ZFP28: variants seen among roughly 807,000 people sequenced by gnomAD.
ZFP28 encodes zinc finger protein 28 homolog.
In ZFP28, 31 loss-of-function variants were observed where a neutral mutation model predicts 39.5. That is an observed-to-expected ratio of 0.79 (90% CI 0.59 to 1.06). The LOEUF (loss-of-function observed/expected upper bound fraction) is 1.06, where lower values mean the gene tolerates loss of function less well. ZFP28 is among the 50% of genes least tolerant of loss of function. The pLI, the probability that ZFP28 is intolerant of heterozygous loss-of-function variation, is 0.00. For missense variants in ZFP28, 925 were observed against 1,048.4 expected (o/e 0.88, Z 1.63); for synonymous variants, 400 against 378.6 (o/e 1.06, Z -0.66).
chr19:56,554,970 T>C lies in ZFP28; in HGVS notation c.2185T>C (p.Tyr729His), dbSNP rs1325969165. ...AAGACTGCACACTGGCCAAAGACCT[T>C]ATGAATGTATTGAGTGTGGAAAGGC... ...HQRLHTGQRP[Y>H]ECIECGKAFK... Residue 729 changes from tyrosine (Y) to histidine (H), a missense_variant, in exon 8 of 8, where the codon TAT becomes CAT. Coordinates refer to ENST00000301318, the MANE Select transcript of ZFP28 (RefSeq NM_020828.2). This position sits in a 1 kb window ranked among gnomAD's most constrained non-coding sequence, Gnocchi z 6.7. 8.7e-6 allele frequency: 14 copies of C among 1,614,034 alleles called. No individual in the cohort carries two copies. The highest frequency in any genetic ancestry group is 1.0e-5 in the Non-Finnish European group (12 of 1,180,046).
chr19:56,537,152 G>A (rs1295751855), upstream of ZFP28, among the ~76,000 whole-genome samples: 1 of 152,270 alleles, frequency 6.6e-6, no homozygotes, highest in Non-Finnish European at 1.5e-5. Context: ...ATTGCCTTCA[G>A]CAAACCTTCT....
chr19:56,551,986 T>C, intron 7 of ZFP28: 1 of 964,836 alleles, frequency 1.0e-6, no homozygotes, highest in South Asian at 4.8e-5. Flanking sequence ...TTTTCAATTT[T>C]TATATAGTCC....
At chr19:56,545,427 A>C (rs955381287) in intron 2 of ZFP28, 3 of 152,260 alleles carry the variant, frequency 2.0e-5, no homozygotes, top group African/African-American at 7.2e-5. Flanking sequence ...GCAGATATCA[A>C]ACCTCAAAGG....
intron 2 of ZFP28, among the ~76,000 whole-genome samples, chr19:56,541,764 CTGTCACTCAGGCTGGAGTACAG>C (rs2044197039): frequency 2.0e-5 from 3 of 151,918 alleles, no homozygotes; most frequent in Non-Finnish European, 4.4e-5. Flanking sequence ...GAGTTTTGCT[CTGTCACTCAGGCTGGAGTACAG>C]TGGCGTGATC....
rs200433213 is a variant in ZFP28, at chr19:56,554,515, C to T, written c.1730C>T (p.Thr577Ile). 8.9e-5 allele frequency: 144 copies of T among 1,614,062 alleles called. No homozygotes were observed. The highest frequency in any genetic ancestry group is 2.1e-4 in the South Asian group (19 of 91,082). ...GCCTTCAGCCATCATGCATCACTCACTCAACATCAAAGAGTACATTCTGGA... is the reference window on the plus strand; with the variant it reads ...GCCTTCAGCCATCATGCATCACTCATTCAACATCAAAGAGTACATTCTGGA... Reference protein sequence around the residue: ...RKAFSHHASLTQHQRVHSGEK... With the variant: ...RKAFSHHASLIQHQRVHSGEK... Residue 577 changes from threonine to isoleucine, a missense_variant, in exon 8 of 8, where the codon ACT becomes ATT. Thr to Ile is a moderately conservative substitution (Grantham distance 89). Transcript: ENST00000301318. The surrounding 1 kb of genome is among the most constrained non-coding windows in gnomAD (Gnocchi z 6.7).
intron 7 of ZFP28, chr19:56,552,829 TTTTC>T (rs1304086157): frequency 6.6e-6 from 1 of 152,298 alleles, no homozygotes; most frequent in Non-Finnish European, 1.5e-5. Context: ...CCTTCCTTCC[TTTTC>T]TTTCTTTCCT....
At chr19:56,552,983 C>T (rs1373767771) in intron 7 of ZFP28, 4 of 152,054 alleles carry the variant, frequency 2.6e-5, no homozygotes, top group African/African-American at 7.3e-5. Flanking sequence ...AATTCAGTGA[C>T]AGTATATTAT....
At chr19:56,551,068 C>T (rs2044297608) in intron 7 of ZFP28, 1 of 1,131,888 alleles carries the variant, frequency 8.8e-7, no homozygotes, top group African/African-American at 1.6e-5. Flanking sequence ...CAGTGAATTA[C>T]TCTAATGGAA....
intron 6 of ZFP28, 140 bp downstream of exon 6, chr19:56,550,321 G>C: frequency 1.0e-6 from 1 of 972,270 alleles, no homozygotes. Flanking sequence ...ATAAGAATTT[G>C]GCATTTGTAG....
At chr19:56,551,048 T>C (rs2044297394) in intron 7 of ZFP28, 1 of 1,173,806 alleles carries the variant, frequency 8.5e-7, no homozygotes, top group Non-Finnish European at 1.1e-6. Context: ...TACACATAAA[T>C]GTAAGCCATC....
intron 2 of ZFP28, among the ~76,000 whole-genome samples, chr19:56,543,524 C>T (rs2044214282): frequency 6.6e-6 from 1 of 152,102 alleles, no homozygotes; most frequent in South Asian, 2.1e-4. Flanking sequence ...CCTGCCTCAG[C>T]CTTCTGAGTG....
At position 56,550,775 on chromosome 19, in the gene ZFP28, GC is replaced by G. The variant is rs562814760; in HGVS notation, c.898+175del. ...CCAAATAATTCTTTCCTCCTCCTTTGCCCCCTTCTCTCCAGTAACTGCCATT... is the reference window on the plus strand; with the variant it reads ...CCAAATAATTCTTTCCTCCTCCTTTGCCCCTTCTCTCCAGTAACTGCCATT... On this transcript the variant is annotated intron_variant, in intron 7 of 7. Transcript: ENST00000301318. 2,213 of 1,531,282 alleles carry G rather than the reference GC, an allele frequency of 1.4e-3. 46 individuals carry two copies. In the South Asian group the frequency reaches 0.025, roughly 17 times the overall value. The allele number at this position is 1,531,282 out of a possible 1,614,324, so 94.9% of individuals were successfully genotyped here.
chr19:56,552,050 C>T (rs2044308901), intron 7 of ZFP28: 2 of 897,750 alleles, frequency 2.2e-6, no homozygotes, highest in Non-Finnish European at 2.7e-6. Flanking sequence ...CAACTTGACA[C>T]ATATAGTTCT....
intron 7 of ZFP28, chr19:56,550,978 A>T: frequency 7.4e-7 from 1 of 1,356,326 alleles, no homozygotes; most frequent in East Asian, 2.9e-5. Context: ...CCACAAATTG[A>T]AAGTTATGGG....
At chr19:56,552,905 T>A (rs1298749465) in intron 7 of ZFP28, 1 of 152,232 alleles carries the variant, frequency 6.6e-6, no homozygotes, top group Non-Finnish European at 1.5e-5. Context: ...GCCTGTTTTT[T>A]GTTTGTTTTA....
At chr19:56,551,277 C>A in intron 7 of ZFP28, 1 of 986,654 alleles carries the variant, frequency 1.0e-6, no homozygotes, top group South Asian at 4.7e-5. Context: ...AGGAAATTTC[C>A]ATAGAAAATA....
intron 7 of ZFP28, chr19:56,550,925 T>C: frequency 1.4e-6 from 2 of 1,422,610 alleles, no homozygotes; most frequent in South Asian, 1.6e-5. Flanking sequence ...CTTCTGTGGT[T>C]AAATGGCCTA....
intron 2 of ZFP28, among the ~76,000 whole-genome samples, chr19:56,541,325 T>C (rs1281519220): frequency 1.5e-5 from 2 of 133,136 alleles, no homozygotes; most frequent in South Asian, 5.1e-4. Context: ...GTCAGTTCTA[T>C]TTGCAAATTA....
In ZFP28 at chr19:56,547,973, T is replaced by C; in HGVS notation, c.523+71T>C. 1 of 1,430,892 alleles carries C rather than the reference T, an allele frequency of 7.0e-7. No homozygotes were observed. The highest frequency in any genetic ancestry group is 1.4e-5 in the African/African-American group (1 of 70,952). The allele number at this position is 1,430,892 out of a possible 1,614,324, so 88.6% of individuals were successfully genotyped here. A position where few individuals can be genotyped will look rare whatever the true frequency, so the allele number is the denominator to read the frequency against. On this transcript the variant is annotated intron_variant, in intron 4 of 7. Coordinates refer to ENST00000301318, the MANE Select transcript of ZFP28 (RefSeq NM_020828.2). The surrounding 1 kb of genome is among the most constrained non-coding windows in gnomAD (Gnocchi z 4.6). ...GTTCAGCTGACTCAGACACGCAACATCTTCAGCAGACTCTTCCTAAGCCTC... is the reference window on the plus strand; with the variant it reads ...GTTCAGCTGACTCAGACACGCAACACCTTCAGCAGACTCTTCCTAAGCCTC...
Sources: gnomAD v4.1 joint callset for allele counts (sites outside exome capture counted in the v4.1 genomes callset) on GRCh38, gnomAD v4.1.1 for gene constraint, Gnocchi (gnomAD v3.1) non-coding constraint, MANE v1.5 for transcripts, NCBI Gene and HGNC (gene_info 2026-07-23, HGNC 2026-07-21) for gene names.